The following ZNF282 variants were observed in gnomAD, a reference collection of about 807,000 sequenced individuals.
ZNF282 encodes HTLV-I U5 repressive element-binding protein 1.
A neutral mutation model predicts 61.9 loss-of-function variants in ZNF282; 30 were observed. The observed-to-expected ratio is 0.48, with a 90% CI of 0.36 to 0.66. ZNF282 has a LOEUF of 0.66. ZNF282 is among the 30% of genes least tolerant of loss of function. ZNF282 has a pLI of 0.00. For synonymous variants in ZNF282, 396 were observed against 405.0 expected (o/e 0.98, Z 0.27); for missense variants, 788 against 941.4 (o/e 0.84, Z 2.13).
At chr7:149,197,573 A>G (rs537690215) in intron 1 of ZNF282, among the ~76,000 whole-genome samples, 30 of 152,250 alleles carry the variant, frequency 2.0e-4, no homozygotes, top group Admixed American at 1.4e-3. Context: ...CCCAGGTTCA[A>G]GCGATTCTCC....
At chr7:149,199,543 G>A (rs1315049559) in intron 2 of ZNF282, among the ~76,000 whole-genome samples, 1 of 152,116 alleles carries the variant, frequency 6.6e-6, no homozygotes, top group Middle Eastern at 3.2e-3. Flanking sequence ...CCTGGGCCCT[G>A]CATCTACCTG....
In ZNF282 at chr7:149,224,806, T is replaced by C; in HGVS notation, c.*159T>C. On this transcript the variant is annotated 3_prime_UTR_variant, in exon 8 of 8. Coordinates refer to ENST00000610704, the MANE Select transcript of ZNF282 (RefSeq NM_003575.4). ...GGGTGGGGCAGGGATCCCCCAGATC[T>C]GTCTGGTCTGAATGGACGCCCAGCT... The C allele has an allele frequency of 3.9e-6, 5 of 1,288,636 alleles. No homozygotes were observed. The highest frequency in any genetic ancestry group is 5.2e-6 in the Non-Finnish European group (5 of 967,214). The allele number at this position is 1,288,636 out of a possible 1,614,324, so 79.8% of individuals were successfully genotyped here.
At chr7:149,210,503 A>G in intron 4 of ZNF282, 82 bp from the exon 5 acceptor site, 1 of 1,573,278 alleles carries the variant, frequency 6.4e-7, no homozygotes, top group African/African-American at 1.3e-5. Flanking sequence ...ACACAAAGCA[A>G]TGTCATTCTC....
intron 2 of ZNF282, among the ~76,000 whole-genome samples, chr7:149,204,072 G>T (rs956260257): frequency 6.6e-6 from 1 of 152,148 alleles, no homozygotes; most frequent in African/African-American, 2.4e-5. Flanking sequence ...TTATCTGAAG[G>T]TTTGACTGGG....
At chr7:149,213,221 A>G (rs144245245) in intron 6 of ZNF282, among the ~76,000 whole-genome samples, 3 of 152,202 alleles carry the variant, frequency 2.0e-5, no homozygotes, top group East Asian at 1.9e-4. Flanking sequence ...TACTTTGTCA[A>G]CTTCACCACA....
chr7:149,224,079 G>T lies in ZNF282; in HGVS notation c.1448G>T (p.Gly483Val). ...GGCGGGGGCGATGGGGGCGGTGGGG[G>T]CGGCGGCGCGGAGGCGGGGACGGGG... ...GGGGGDGGGG[G>V]GGAEAGTGAG... Residue 483 changes from glycine to valine, a missense_variant, in exon 8 of 8, where the codon GGC becomes GTC. Physicochemically the swap from Gly to Val is moderately radical, Grantham distance 109. This residue lies in a region of ZNF282 where 559 missense variants were observed against 642.0 expected (regional missense o/e 0.87). Transcript: ENST00000610704. The T allele has an allele frequency of 2.4e-6, 3 of 1,236,456 alleles. No individual in the cohort carries two copies. Among genetic ancestry groups the T allele is most frequent in the Non-Finnish European group, 3.0e-6 (3 of 989,924 alleles). 76.6% of individuals were successfully genotyped at this position (1,236,456 alleles called of 1,614,324 possible).
chr7:149,216,368 G>A (rs1399100282), intron 7 of ZNF282, among the ~76,000 whole-genome samples: 2 of 152,190 alleles, frequency 1.3e-5, no homozygotes, highest in African/African-American at 4.8e-5. Flanking sequence ...CCAAAGCTCT[G>A]GGATTACAGG....
At position 149,198,814 on chromosome 7, in the gene ZNF282, T is replaced by C; in HGVS notation, c.585+62T>C. The stretch of plus-strand genomic sequence containing the variant: ...GAACAGCACAGGTGCATAAAATTCT[T>C]GATTTCATTTTGTCAGCCCTTCTCA... On this transcript the variant is annotated intron_variant, in intron 2 of 7. Coordinates refer to ENST00000610704, the MANE Select transcript of ZNF282 (RefSeq NM_003575.4). The surrounding 1 kb of genome is among the most constrained non-coding windows in gnomAD (Gnocchi z 4.3). 2 of 1,524,958 alleles carry C rather than the reference T, an allele frequency of 1.3e-6. No homozygotes were observed. Among genetic ancestry groups the C allele is most frequent in the East Asian group, 2.3e-5 (1 of 44,040 alleles). 94.5% of individuals were successfully genotyped at this position (1,524,958 alleles called of 1,614,324 possible).
rs1375084504 is a variant in ZNF282 at position 149,207,475 on chromosome 7, T to C, written c.832+5T>C. 26 of 1,559,152 alleles carry C rather than the reference T, an allele frequency of 1.7e-5. No individual in the cohort carries two copies. Among genetic ancestry groups the C allele is most frequent in the Admixed American group, 3.9e-5 (2 of 51,606 alleles). On this transcript the variant is annotated splice_donor_5th_base_variant and intron_variant, in intron 4 of 7. Coordinates refer to ENST00000610704, the MANE Select transcript of ZNF282 (RefSeq NM_003575.4). ...TCCCAATGGATCCCGAAGCAGGTGA[T>C]GGCAGCAGAAGAGAGTGCGGGGTCC...
intron 2 of ZNF282, among the ~76,000 whole-genome samples, chr7:149,202,535 C>T (rs570399594): frequency 1.3e-5 from 2 of 152,010 alleles, no homozygotes; most frequent in Non-Finnish European, 2.9e-5. Context: ...AGGCTGGTTT[C>T]GAACTCCTGA....
rs781067660 is a variant in ZNF282, at chr7:149,210,567, G to A, written c.833-18G>A. ...TGCAGAAAAAAAGACACAAAGCAAT[G>A]TCATTCTCTGTCCCCAGGAGCAGAG... On this transcript the variant is annotated intron_variant, in intron 4 of 7. Coordinates refer to ENST00000610704, the MANE Select transcript of ZNF282 (RefSeq NM_003575.4). 1 of 1,607,558 alleles carries A rather than the reference G, an allele frequency of 6.2e-7. No individual in the cohort carries two copies. Among genetic ancestry groups the A allele is most frequent in the South Asian group, 1.1e-5 (1 of 89,704 alleles).
At chr7:149,209,712 C>T (rs1390448605) in intron 4 of ZNF282, among the ~76,000 whole-genome samples, 1 of 152,138 alleles carries the variant, frequency 6.6e-6, no homozygotes. Flanking sequence ...TCCCAGTCTT[C>T]AGATTCTTTG....
In ZNF282 at chr7:149,198,490, T is replaced by C; in HGVS notation, c.323T>C (p.Val108Ala). ...LWTVVAAIQA[V>A]ERKVDAQASQ... ...ACTGTGGTGGCTGCCATTCAGGCTG[T>C]GGAGAGGAAGGTGGATGCCCAGGCC... Residue 108 changes from valine (V) to alanine (A), a missense_variant, in exon 2 of 8, where the codon GTG (valine) becomes GCG (alanine). Physicochemically the swap from Val to Ala is moderately conservative, Grantham distance 64. Coordinates refer to ENST00000610704, the MANE Select transcript of ZNF282 (RefSeq NM_003575.4). The surrounding 1 kb of genome is among the most constrained non-coding windows in gnomAD (Gnocchi z 4.3). 1 of 1,613,938 alleles carries C rather than the reference T, an allele frequency of 6.2e-7. No individual in the cohort carries two copies. The highest frequency in any genetic ancestry group is 1.3e-5 in the African/African-American group (1 of 74,956).
In ZNF282 at chr7:149,218,119, A is replaced by G. The variant is rs567406017; in HGVS notation, c.1180+4305A>G. On this transcript the variant is annotated intron_variant, in intron 7 of 7. Transcript: ENST00000610704. ...CCCTGTCTCAGAAAAAAAAAAAAAA[A>G]AGAGAGAGAGAGAGACTAATAAAGG... Among the ~76,000 whole-genome samples the G allele has an allele frequency of 2.1e-4, 31 of 149,942 alleles. 1 individual carries two copies. In the Middle Eastern group the frequency reaches 0.01, roughly 50 times the overall value.
At chr7:149,207,896 G>A (rs1055069005) in intron 4 of ZNF282, among the ~76,000 whole-genome samples, 1 of 152,314 alleles carries the variant, frequency 6.6e-6, no homozygotes, top group Non-Finnish European at 1.5e-5. Context: ...TTCGTCGGCC[G>A]ACACATGCGG....
At chr7:149,223,384 G>A (rs1241296341) in intron 7 of ZNF282, among the ~76,000 whole-genome samples, 1 of 152,078 alleles carries the variant, frequency 6.6e-6, no homozygotes, top group Non-Finnish European at 1.5e-5. Context: ...GGAAGTCAAG[G>A]CTGCAGTGAG....
rs61408566 is a variant in ZNF282 at position 149,218,119 on chromosome 7, A to AAGAG, written c.1180+4317_1180+4320dup. Among the ~76,000 whole-genome samples the AAGAG allele has an allele frequency of 6.6e-3, 996 of 149,924 alleles. 14 individuals are homozygous for AAGAG. The highest frequency in any genetic ancestry group is 0.021 in the African/African-American group (838 of 40,278). On this transcript the variant is annotated intron_variant, in intron 7 of 7. Coordinates refer to ENST00000610704, the MANE Select transcript of ZNF282 (RefSeq NM_003575.4). ...CCCTGTCTCAGAAAAAAAAAAAAAA[A>AAGAG]AGAGAGAGAGAGAGACTAATAAAGG...
chr7:149,205,215 G>A (rs1181535007), intron 2 of ZNF282, among the ~76,000 whole-genome samples: 1 of 151,982 alleles, frequency 6.6e-6, no homozygotes, highest in African/African-American at 2.4e-5. Context: ...TGAGGTGGGT[G>A]GATTACAAGG....
Position 149,195,668 on chromosome 7 carries a change from T to TGGGCCC in ZNF282, c.80_85dup (p.Ala28_Gln29insArgAla). 1 of 1,596,598 alleles carries TGGGCCC rather than the reference T, an allele frequency of 6.3e-7. No homozygotes were observed. The highest frequency in any genetic ancestry group is 1.7e-5 in the Admixed American group (1 of 58,252). ...GGGGCTGGACAGCGGGAGCTGGAGCTGGGCCCAGGCTCTGCCCCCGGAGGA... is the reference window on the plus strand; with the variant it reads ...GGGGCTGGACAGCGGGAGCTGGAGCTGGGCCCGGGCCCAGGCTCTGCCCCCGGAGGA... On this transcript the variant is annotated inframe_insertion, in exon 1 of 8. Coordinates refer to ENST00000610704, the MANE Select transcript of ZNF282 (RefSeq NM_003575.4).
Sources: allele counts gnomAD v4.1 joint callset (sites outside exome capture counted in the v4.1 genomes callset), GRCh38; gene constraint gnomAD v4.1.1; regional missense constraint gnomAD v4.1.1; non-coding constraint Gnocchi (gnomAD v3.1); transcripts MANE v1.5; gene names NCBI Gene and HGNC (gene_info 2026-07-23, HGNC 2026-07-21).